The following CSMD1 variants were observed in gnomAD, a reference collection of about 807,000 sequenced individuals.
The protein encoded by CSMD1 is CUB and Sushi multiple domains 1.
CSMD1 carries 213 observed loss-of-function variants against 417.5 expected under a neutral mutation model. That is an observed-to-expected ratio of 0.51 (90% CI 0.46 to 0.57). CSMD1 has a LOEUF of 0.57. Among genes scored for constraint, CSMD1 ranks in the 20% least tolerant of loss-of-function variants. The probability of loss-of-function intolerance (pLI) is 0.00; values close to 1 mark genes in which losing one functional copy is unlikely to be tolerated. For missense variants in CSMD1, 6,923 were observed against 4,529.7 expected, an observed-to-expected ratio of 1.53 and a Z score of -15.17; for synonymous variants, 2,862 against 1,736.8, an observed-to-expected ratio of 1.65 and a Z score of -16.11.
At chr8:3,815,139 T>A (rs1385227146) in intron 5 of CSMD1, among the ~76,000 whole-genome samples, 2 of 152,192 alleles carry the variant, frequency 1.3e-5, no homozygotes, top group African/African-American at 4.8e-5. Flanking sequence ...TGCTTAGTAT[T>A]TCTCCCAGAT....
At chr8:4,124,050 A>G (rs1802629426) in intron 3 of CSMD1, among the ~76,000 whole-genome samples, 2 of 152,192 alleles carry the variant, frequency 1.3e-5, no homozygotes, top group African/African-American at 2.4e-5. Flanking sequence ...TTCCGGAACG[A>G]CATTCCCAAC....
intron 28 of CSMD1, among the ~76,000 whole-genome samples, chr8:3,220,829 A>T (rs28393622): frequency 6.6e-6 from 1 of 151,902 alleles, no homozygotes; most frequent in Non-Finnish European, 1.5e-5. Context: ...AGCAAAACTC[A>T]TCTCAAAAAC....
chr8:4,422,986 G>C (rs78685709), intron 2 of CSMD1, among the ~76,000 whole-genome samples: 1,883 of 152,026 alleles, frequency 0.012, 33 homozygotes, highest in African/African-American at 0.043. Context: ...CATTGAACAT[G>C]AGAAAAGTTC....
At chr8:4,446,302 C>G (rs760451396) in intron 2 of CSMD1, among the ~76,000 whole-genome samples, 8 of 152,176 alleles carry the variant, frequency 5.3e-5, no homozygotes, top group Non-Finnish European at 1.0e-4. Flanking sequence ...AATCCTGCTT[C>G]TTTGGGAGCC....
At chr8:3,952,798 G>A (rs1039016567) in intron 5 of CSMD1, among the ~76,000 whole-genome samples, 4 of 152,096 alleles carry the variant, frequency 2.6e-5, no homozygotes, top group Admixed American at 1.3e-4. Context: ...TGATTATTAA[G>A]CAATACTCTC....
intron 1 of CSMD1, among the ~76,000 whole-genome samples, chr8:4,662,362 G>A (rs906281709): frequency 1.3e-5 from 2 of 152,182 alleles, no homozygotes; most frequent in Non-Finnish European, 2.9e-5. Flanking sequence ...ATAGGAACAT[G>A]CATTGTTCCT....
intron 5 of CSMD1, among the ~76,000 whole-genome samples, chr8:3,994,957 C>T (rs905967567): frequency 2.0e-5 from 3 of 152,076 alleles, no homozygotes; most frequent in Non-Finnish European, 2.9e-5. Context: ...CACAGTCACT[C>T]GCACCACCCT....
At chr8:3,464,476 T>A (rs755440260) in intron 12 of CSMD1, among the ~76,000 whole-genome samples, 1 of 151,852 alleles carries the variant, frequency 6.6e-6, no homozygotes, top group Non-Finnish European at 1.5e-5. Context: ...TTTTCAAATA[T>A]AAAATGGAGA....
At chr8:3,586,288 A>AC (rs376607183) in intron 8 of CSMD1, 28 bp from the exon 9 acceptor site, 11 of 1,489,592 alleles carry the variant, frequency 7.4e-6, no homozygotes, top group South Asian at 3.8e-5. Flanking sequence ...AAAAAAAAAA[A>AC]CCCAAATTAT....
intron 3 of CSMD1, among the ~76,000 whole-genome samples, chr8:4,332,146 G>T (rs1799902009): frequency 6.6e-6 from 1 of 152,108 alleles, no homozygotes; most frequent in Non-Finnish European, 1.5e-5. Flanking sequence ...AAAATGTCAA[G>T]TTGCTTAGGT....
At chr8:3,558,258 G>C (rs1052135442) in intron 10 of CSMD1, among the ~76,000 whole-genome samples, 1 of 149,536 alleles carries the variant, frequency 6.7e-6, no homozygotes, top group East Asian at 2.0e-4. Context: ...ATAGTACCCT[G>C]TGTCCACTCC....
At chr8:4,126,344 C>G (rs1435415987) in intron 3 of CSMD1, among the ~76,000 whole-genome samples, 2 of 152,232 alleles carry the variant, frequency 1.3e-5, no homozygotes, top group Admixed American at 6.5e-5. Flanking sequence ...GGTGAACCCA[C>G]TGCATGGTTA....
chr8:4,106,974 G>C (rs978444538), intron 3 of CSMD1, among the ~76,000 whole-genome samples: 3 of 152,314 alleles, frequency 2.0e-5, no homozygotes, highest in East Asian at 3.9e-4. Context: ...CTACGTCAGA[G>C]ACTCAGCAGA....
intron 25 of CSMD1, among the ~76,000 whole-genome samples, chr8:3,286,554 G>A (rs1803174271): frequency 6.6e-6 from 1 of 152,090 alleles, no homozygotes; most frequent in African/African-American, 2.4e-5. Context: ...TTGTGGTTTT[G>A]ATTTGCATTT....
At chr8:3,161,770 C>T (rs978024601) in intron 38 of CSMD1, among the ~76,000 whole-genome samples, 2 of 151,868 alleles carry the variant, frequency 1.3e-5, no homozygotes, top group African/African-American at 4.8e-5. Flanking sequence ...TTAATGATGA[C>T]TTATACTGAA....
intron 1 of CSMD1, among the ~76,000 whole-genome samples, chr8:4,782,354 T>G (rs1047848471): frequency 6.6e-6 from 1 of 152,212 alleles, no homozygotes; most frequent in Non-Finnish European, 1.5e-5. Context: ...TTAAAACTAC[T>G]GATTATACCC....
intron 3 of CSMD1, among the ~76,000 whole-genome samples, chr8:4,262,987 C>T (rs1415573169): frequency 6.6e-6 from 1 of 152,106 alleles, no homozygotes; most frequent in Non-Finnish European, 1.5e-5. Flanking sequence ...ATTTTATACG[C>T]CTTTAGCTCA....
intron 2 of CSMD1, among the ~76,000 whole-genome samples, chr8:4,452,638 AT>A (rs1563190514): frequency 6.6e-6 from 1 of 151,028 alleles, no homozygotes; most frequent in Non-Finnish European, 1.5e-5. Flanking sequence ...ACAATGAAAA[AT>A]TCTTGAGTGA....
At chr8:4,096,608 G>C (rs948327098) in intron 3 of CSMD1, among the ~76,000 whole-genome samples, 5 of 152,096 alleles carry the variant, frequency 3.3e-5, no homozygotes, top group African/African-American at 9.7e-5. Flanking sequence ...TGTGTAATCT[G>C]ATCAATTACA....
Sources: allele counts gnomAD v4.1 joint callset (sites outside exome capture counted in the v4.1 genomes callset), GRCh38; gene constraint gnomAD v4.1.1; transcripts MANE v1.5; gene names NCBI Gene and HGNC (gene_info 2026-07-23, HGNC 2026-07-21).